The following GAB1 variants were observed in gnomAD, a reference collection of about 807,000 sequenced individuals.
GAB1 encodes the protein GRB2 associated binding protein 1, also known as GRB2-associated-binding protein 1.
GAB1 carries 19 observed loss-of-function variants against 66.5 expected under a neutral mutation model. The ratio of observed to expected loss-of-function variants is 0.29; its 90% CI spans 0.20 to 0.42. The LOEUF is 0.42. GAB1 is among the 10% of genes least tolerant of loss of function. The probability of loss-of-function intolerance (pLI) is 1.00; values close to 1 mark genes in which losing one functional copy is unlikely to be tolerated. For synonymous variants in GAB1, 294 were observed against 301.4 expected (o/e 0.98, Z 0.25); for missense variants, 732 against 858.5 (o/e 0.85, Z 1.84).
chr4:143,460,386 C>T lies in GAB1; in HGVS notation c.1702C>T (p.Pro568Ser). ...TAGCTCTTCCAGGTTTCCCATGTCC[C>T]CCCGACCAGATTCAGTGCATAGCAC... Reference protein sequence around the residue: ...ARDSSRFPMSPRPDSVHSTTS... With the variant: ...ARDSSRFPMSSRPDSVHSTTS... The change falls in exon 8 of 10, where the codon CCC (proline) becomes TCC (serine). Residue 568 changes from proline (P) to serine (S), a missense_variant. By Grantham distance (74) the Pro-to-Ser change is moderately conservative. Around this residue, in one of 4 missense-constraint regions of GAB1, gnomAD observed 204 missense variants for 276.8 expected, o/e 0.74. Coordinates refer to ENST00000262994, the MANE Select transcript of GAB1 (RefSeq NM_002039.4). 1 of 1,613,554 alleles carries T rather than the reference C, an allele frequency of 6.2e-7. No individual in the cohort carries two copies. Among genetic ancestry groups the T allele is most frequent in the Non-Finnish European group, 8.5e-7 (1 of 1,179,660 alleles).
At chr4:143,417,207 A>C (rs1732739038) in intron 2 of GAB1, among the ~76,000 whole-genome samples, 1 of 152,146 alleles carries the variant, frequency 6.6e-6, no homozygotes, top group Non-Finnish European at 1.5e-5. Flanking sequence ...GGACTTAGGA[A>C]AGAACAGACC....
intron 1 of GAB1, among the ~76,000 whole-genome samples, chr4:143,382,348 C>T (rs927280141): frequency 6.6e-6 from 1 of 151,956 alleles, no homozygotes; most frequent in Non-Finnish European, 1.5e-5. Context: ...ATTTTTTTCT[C>T]TTGGAAATGA....
Position 143,472,404 on chromosome 4 carries a change from T to G in GAB1, c.*3215T>G, listed in dbSNP as rs1249052079. 1 of 152,186 alleles carries G rather than the reference T, an allele frequency of 6.6e-6. No individual in the cohort carries two copies. The highest frequency in any genetic ancestry group is 1.5e-5 in the Non-Finnish European group (1 of 68,030). The allele number at this position is 152,186 out of a possible 1,614,324, so 9.4% of individuals were successfully genotyped here. On this transcript the variant is annotated 3_prime_UTR_variant, in exon 10 of 10. Transcript: ENST00000262994. ...TATATTTAATTAATGGGGATTATAG[T>G]CTTCCTTCATAAATGCATTTAAACC...
rs1736068556 is a variant in GAB1, at chr4:143,471,265, ACT to A, written c.*2079_*2080del. The A allele has an allele frequency of 6.6e-6, 1 of 152,160 alleles. No individual in the cohort carries two copies. Among genetic ancestry groups the A allele is most frequent in the South Asian group, 2.1e-4 (1 of 4,828 alleles). 9.4% of individuals were successfully genotyped at this position (152,160 alleles called of 1,614,324 possible). A position where few individuals can be genotyped will look rare whatever the true frequency, so the allele number is the denominator to read the frequency against. On this transcript the variant is annotated 3_prime_UTR_variant, in exon 10 of 10. Transcript: ENST00000262994. Reference sequence around the variant, plus strand: ...GTCACCATATTTGAAGATCTGTAGCACTCTGATTTTCAGAAAATTTTTCATTC... The same window carrying A: ...GTCACCATATTTGAAGATCTGTAGCACTGATTTTCAGAAAATTTTTCATTC...
intron 1 of GAB1, among the ~76,000 whole-genome samples, chr4:143,386,786 A>G (rs555245653): frequency 5.9e-5 from 9 of 152,316 alleles, no homozygotes; most frequent in African/African-American, 1.9e-4. Context: ...GTGAATTCTC[A>G]TTTGTAGTGT....
intron 6 of GAB1, among the ~76,000 whole-genome samples, chr4:143,441,537 A>ATAACCTCCTCGTTTCAACAGGAGGT (rs1734230238): frequency 6.6e-6 from 1 of 152,146 alleles, no homozygotes; most frequent in African/African-American, 2.4e-5. Flanking sequence ...GTAAGTAAGG[A>ATAACCTCCTCGTTTCAACAGGAGGT]TAACCTCCTC....
At chr4:143,369,270 T>A (rs1014151776) in intron 1 of GAB1, among the ~76,000 whole-genome samples, 1 of 151,800 alleles carries the variant, frequency 6.6e-6, no homozygotes. Flanking sequence ...AGAGATGAGG[T>A]TTCACCATGT....
At chr4:143,407,808 C>G (rs1239106281) in intron 1 of GAB1, among the ~76,000 whole-genome samples, 1 of 152,084 alleles carries the variant, frequency 6.6e-6, no homozygotes, top group South Asian at 2.1e-4. Flanking sequence ...AATGGTTTTC[C>G]TTTGTCCCTG....
chr4:143,378,667 CT>C, intron 1 of GAB1, among the ~76,000 whole-genome samples: 1 of 144,556 alleles, frequency 6.9e-6, no homozygotes, highest in Non-Finnish European at 1.5e-5. Flanking sequence ...CTCTCTCTCT[CT>C]CTCTCGTTTT....
In GAB1 at chr4:143,400,693, C is replaced by T. The variant is rs529276480; in HGVS notation, c.73-14784C>T. Among the ~76,000 whole-genome samples, 13 of 152,214 alleles carry T rather than the reference C, an allele frequency of 8.5e-5. No homozygotes were observed. The South Asian group carries it at 1.0e-3, about 12-fold the overall frequency. On this transcript the variant is annotated intron_variant, in intron 1 of 9. Transcript: ENST00000262994. The stretch of plus-strand genomic sequence containing the variant: ...ATGAAAATGTTATTGCTTGGCTGGG[C>T]GCGATGGCTCACGTCTGTAATCCCA...
intron 6 of GAB1, among the ~76,000 whole-genome samples, chr4:143,446,556 AT>A (rs1734551092): frequency 6.6e-6 from 1 of 151,936 alleles, no homozygotes; most frequent in African/African-American, 2.4e-5. Context: ...GATGATGAGC[AT>A]TTTTTCATGT....
At position 143,373,887 on chromosome 4, in the gene GAB1, T is replaced by TA. The variant is rs1560726049; in HGVS notation, c.72+36627_72+36628insA. Among the ~76,000 whole-genome samples, 70 of 98,270 alleles carry TA rather than the reference T, an allele frequency of 7.1e-4. 5 individuals are homozygous for TA. The highest frequency in any genetic ancestry group is 0.011 in the Middle Eastern group (2 of 180). 64.5% of individuals were successfully genotyped at this position (98,270 alleles called of 152,430 possible). ...TAAATAAATATATATATATATATATTTTTACCTTTCTAACATTGCAGGGAG... is the reference window on the plus strand; with the variant it reads ...TAAATAAATATATATATATATATATTATTTACCTTTCTAACATTGCAGGGAG... On this transcript the variant is annotated intron_variant, in intron 1 of 9. Transcript: ENST00000262994.
intron 6 of GAB1, among the ~76,000 whole-genome samples, chr4:143,450,106 G>A (rs1380052287): frequency 2.0e-5 from 3 of 152,120 alleles, no homozygotes; most frequent in Non-Finnish European, 4.4e-5. Context: ...AAGGAAATAA[G>A]TATGGAGTGC....
chr4:143,369,798 A>G (rs949061655), intron 1 of GAB1, among the ~76,000 whole-genome samples: 13 of 152,274 alleles, frequency 8.5e-5, no homozygotes, highest in African/African-American at 2.9e-4. Flanking sequence ...GTGCTGAGAC[A>G]TGAGACTCAT....
intron 2 of GAB1, among the ~76,000 whole-genome samples, chr4:143,418,359 A>G (rs939181170): frequency 2.6e-5 from 4 of 152,210 alleles, no homozygotes; most frequent in Admixed American, 1.3e-4. Flanking sequence ...TTGCATTTAT[A>G]GTTTATATTT....
chr4:143,440,378 A>G lies in GAB1; in HGVS notation c.1581A>G (p.Arg527=). The change falls in exon 6 of 10, where the codon AGA becomes AGG. Residue 527 remains arginine (R), a synonymous_variant. Coordinates refer to ENST00000262994, the MANE Select transcript of GAB1 (RefSeq NM_002039.4). ...TGGATAGGAACCTCAAGCCAGACAG[A>G]AAAGGTAAGGAGAGCATGGCAAAGT... is the stretch of plus-strand genomic sequence containing the variant. The part of the protein sequence containing the change: ...PPVDRNLKPD[R]KVKPAPLEIK... 1.9e-6 allele frequency: 3 copies of G among 1,608,808 alleles called. No individual in the cohort carries two copies. The highest frequency in any genetic ancestry group is 2.2e-5 in the East Asian group (1 of 44,826).
chr4:143,380,564 G>A (rs1483691216), intron 1 of GAB1: 1 of 152,156 alleles, frequency 6.6e-6, no homozygotes, highest in African/African-American at 2.4e-5. Context: ...AAAGAACTTT[G>A]GACCCTACAA....
Position 143,469,890 on chromosome 4 carries a change from A to ATT in GAB1, c.*702_*703dup, listed in dbSNP as rs1735997865. On this transcript the variant is annotated 3_prime_UTR_variant, in exon 10 of 10. Coordinates refer to ENST00000262994, the MANE Select transcript of GAB1 (RefSeq NM_002039.4). Reference sequence around the variant, plus strand: ...TCTTGCACCTTTGAAAGACTGAATAATTACACTACCAAGTAAGCCTGCAAA... The same window carrying ATT: ...TCTTGCACCTTTGAAAGACTGAATAATTTTACACTACCAAGTAAGCCTGCAAA... 6.5e-6 allele frequency: 1 copy of ATT among 152,710 alleles called. No individual in the cohort carries two copies. The allele number at this position is 152,710 out of a possible 1,614,324, so 9.5% of individuals were successfully genotyped here. A position where few individuals can be genotyped will look rare whatever the true frequency, so the allele number is the denominator to read the frequency against.
At chr4:143,392,351 A>G (rs1308331497) in intron 1 of GAB1, among the ~76,000 whole-genome samples, 1 of 152,190 alleles carries the variant, frequency 6.6e-6, no homozygotes, top group African/African-American at 2.4e-5. Flanking sequence ...TTGTCAATTG[A>G]AGTATATGAT....
Sources: gnomAD v4.1 joint callset for allele counts (sites outside exome capture counted in the v4.1 genomes callset) on GRCh38, gnomAD v4.1.1 for gene constraint, gnomAD v4.1.1 regional missense constraint, MANE v1.5 for transcripts, NCBI Gene and HGNC (gene_info 2026-07-23, HGNC 2026-07-21) for gene names.